The following PADI2 variants were observed in gnomAD, a reference collection of about 807,000 sequenced individuals.
PADI2 encodes the protein protein-arginine deiminase type-2.
PADI2 carries 70 observed loss-of-function variants against 81.1 expected under a neutral mutation model. That is an observed-to-expected ratio of 0.86 (90% CI 0.71 to 1.05). PADI2 has a LOEUF of 1.05. PADI2 is among the 50% of genes least tolerant of loss of function. The probability of loss-of-function intolerance (pLI) is 0.00; values close to 1 mark genes in which losing one functional copy is unlikely to be tolerated. For synonymous variants in PADI2, 338 were observed against 358.0 expected (o/e 0.94, Z 0.63); for missense variants, 853 against 889.9 (o/e 0.96, Z 0.53).
intron 13 of PADI2, among the ~76,000 whole-genome samples, chr1:17,074,151 GGAGGCT>G (rs2078284488): frequency 6.6e-6 from 1 of 152,082 alleles, no homozygotes; most frequent in African/African-American, 2.4e-5. Context: ...CAGCACTTTG[GGAGGCT>G]GAGGCGGGTG....
At position 17,103,049 on chromosome 1, in the gene PADI2, T is replaced by C. The variant is rs373438299; in HGVS notation, c.287A>G (p.Asn96Ser). 3 of 1,612,470 alleles carry C rather than the reference T, an allele frequency of 1.9e-6. No individual in the cohort carries two copies. The highest frequency in any genetic ancestry group is 1.7e-6 in the Non-Finnish European group (2 of 1,178,804). Residue 96 changes from asparagine to serine, a missense_variant, in exon 3 of 16, where the codon AAC becomes AGC. Physicochemically the swap from Asn to Ser is conservative, Grantham distance 46 (BLOSUM62 1). Coordinates refer to ENST00000375486, the MANE Select transcript of PADI2 (RefSeq NM_007365.3). The part of the protein sequence containing the change: ...TEASSDKVTV[N>S]YYDEEGSIPI... ...AATGCTCCCTTCCTCGTCATAGTAG[T>C]TGACGGTGACCTTGGTGGGGAGGGG...
At chr1:17,100,836 A>G (rs1931117514) in intron 3 of PADI2, among the ~76,000 whole-genome samples, 1 of 150,572 alleles carries the variant, frequency 6.6e-6, no homozygotes, top group Non-Finnish European at 1.5e-5. Context: ...TAATTTTTGT[A>G]TTTTTAGTAG....
chr1:17,082,787 C>G (rs936313175), intron 9 of PADI2, 135 bp from the exon 10 acceptor site: 5 of 605,308 alleles, frequency 8.3e-6, no homozygotes, highest in Middle Eastern at 2.7e-4. Flanking sequence ...GTCCCCCATC[C>G]TCCTCCCCTC....
intron 1 of PADI2, among the ~76,000 whole-genome samples, chr1:17,111,399 A>G (rs1931575796): frequency 6.6e-6 from 1 of 152,032 alleles, no homozygotes; most frequent in Non-Finnish European, 1.5e-5. Flanking sequence ...CTGGACAGAA[A>G]AGACAGACTT....
In PADI2 at chr1:17,119,388, C is replaced by A. The variant is rs746000023; in HGVS notation, c.-17G>T. 3.9e-6 allele frequency: 6 copies of A among 1,520,694 alleles called. No homozygotes were observed. The highest frequency in any genetic ancestry group is 3.7e-5 in the South Asian group (3 of 81,058). 94.2% of individuals were successfully genotyped at this position (1,520,694 alleles called of 1,614,324 possible). On this transcript the variant is annotated 5_prime_UTR_variant, in exon 1 of 16. Transcript: ENST00000375486. The surrounding 1 kb of genome is among the most constrained non-coding windows in gnomAD (Gnocchi z 4.8). Reference sequence around the variant, plus strand: ...GCGCAGCATCCTCCCCGCCGCAGTGCCCGCGCTCGCTGGTCCGGGGCGGCC... The same window carrying A: ...GCGCAGCATCCTCCCCGCCGCAGTGACCGCGCTCGCTGGTCCGGGGCGGCC...
At chr1:17,072,749 A>C (rs921626554) in intron 13 of PADI2, among the ~76,000 whole-genome samples, 3 of 139,714 alleles carry the variant, frequency 2.1e-5, no homozygotes, top group Admixed American at 7.0e-5. Context: ...ACTGTATTCT[A>C]TCTATTTTCT....
At chr1:17,106,436 C>G (rs886318100) in intron 1 of PADI2, among the ~76,000 whole-genome samples, 1 of 150,692 alleles carries the variant, frequency 6.6e-6, no homozygotes, top group Non-Finnish European at 1.5e-5. Context: ...GGGCAGGCTT[C>G]TTTTTCTTCT....
At position 17,115,411 on chromosome 1, in the gene PADI2, CA is replaced by C. The variant is rs1157752629; in HGVS notation, c.92+3868del. ...GATCTGGATCCTGGCTCCTGTACAC[CA>C]GGGAGGAAAAGAAGAGCCCTGCCTT... On this transcript the variant is annotated intron_variant, in intron 1 of 15. Transcript: ENST00000375486. This position sits in a 1 kb window ranked among gnomAD's most constrained non-coding sequence, Gnocchi z 4.1. Among the ~76,000 whole-genome samples, 2 of 152,192 alleles carry C rather than the reference CA, an allele frequency of 1.3e-5. No individual in the cohort carries two copies. The highest frequency in any genetic ancestry group is 3.9e-4 in the East Asian group (2 of 5,194).
intron 1 of PADI2, among the ~76,000 whole-genome samples, chr1:17,112,021 G>A (rs1931594896): frequency 6.6e-6 from 1 of 152,132 alleles, no homozygotes; most frequent in African/African-American, 2.4e-5. Context: ...AGGTTTCTAA[G>A]CAGGGGTGGC....
rs2078291371 is a variant in PADI2 at position 17,074,952 on chromosome 1, G to T, written c.1456-3C>A. 2 of 1,603,476 alleles carry T rather than the reference G, an allele frequency of 1.2e-6. No homozygotes were observed. The highest frequency in any genetic ancestry group is 8.5e-7 in the Non-Finnish European group (1 of 1,171,352). ...CTGGCCATGAGTAGCAGGAATTTCTGCAAGAGACAGTCCAGAGGGACAGAG... is the reference window on the plus strand; with the variant it reads ...CTGGCCATGAGTAGCAGGAATTTCTTCAAGAGACAGTCCAGAGGGACAGAG... On this transcript the variant is annotated splice_polypyrimidine_tract_variant and splice_region_variant and intron_variant, in intron 12 of 15. Transcript: ENST00000375486.
At chr1:17,118,460 G>T (rs940138655) in intron 1 of PADI2, among the ~76,000 whole-genome samples, 3 of 152,102 alleles carry the variant, frequency 2.0e-5, no homozygotes, top group African/African-American at 7.2e-5. Context: ...ACAGATCATT[G>T]GACTTGGCTG....
chr1:17,089,995 G>A (rs1451092331), intron 6 of PADI2, among the ~76,000 whole-genome samples: 1 of 152,196 alleles, frequency 6.6e-6, no homozygotes, highest in Non-Finnish European at 1.5e-5. Flanking sequence ...AGCCCTCAGT[G>A]CTAAAATAAG....
At chr1:17,075,625 A>G in intron 12 of PADI2, 54 bp downstream of exon 12, 1 of 1,490,162 alleles carries the variant, frequency 6.7e-7, no homozygotes, top group Non-Finnish European at 9.1e-7. Flanking sequence ...AGGGGCGGGT[A>G]ATATATTGGT....
At chr1:17,075,876 C>G (rs1339192246) in intron 11 of PADI2, 53 bp from the exon 12 acceptor site, 1 of 1,574,026 alleles carries the variant, frequency 6.4e-7, no homozygotes. Flanking sequence ...CACCAGAGGG[C>G]CTGCAAGAGG....
chr1:17,067,394 A>G lies in PADI2; in HGVS notation c.*1650T>C, dbSNP rs7516087. ...AGCTGCTGTCCCCAGAGAGGAGACA[A>G]CAGCTTCTGGAGGCTCTGGGGACTC... On this transcript the variant is annotated 3_prime_UTR_variant, in exon 16 of 16. Coordinates refer to ENST00000375486, the MANE Select transcript of PADI2 (RefSeq NM_007365.3). 51,231 of 151,646 alleles carry G rather than the reference A, an allele frequency of 0.34. 9,028 individuals carry two copies. Among genetic ancestry groups the G allele is most frequent in the East Asian group, 0.6 (3,070 of 5,120 alleles). The allele number at this position is 151,646 out of a possible 1,614,324, so 9.4% of individuals were successfully genotyped here.
chr1:17,089,310 A>G (rs919044273), intron 6 of PADI2, among the ~76,000 whole-genome samples: 5 of 152,224 alleles, frequency 3.3e-5, no homozygotes, highest in African/African-American at 1.2e-4. Flanking sequence ...GTAGTTTCAG[A>G]TAGACTGGCA....
At chr1:17,089,069 G>T (rs1930579164) in intron 6 of PADI2, among the ~76,000 whole-genome samples, 1 of 152,038 alleles carries the variant, frequency 6.6e-6, no homozygotes. Context: ...GTAACCATGG[G>T]TAACCATCAG....
rs771593438 is a variant in PADI2, at chr1:17,084,684, T to A, written c.853A>T (p.Ile285Phe). 13 of 1,558,934 alleles carry A rather than the reference T, an allele frequency of 8.3e-6. No individual in the cohort carries two copies. Among genetic ancestry groups the A allele is most frequent in the Admixed American group, 3.8e-5 (2 of 52,004 alleles). ...YMAQDIPLTP[I>F]FTDTVIFRIA... is the part of the protein sequence containing the mutation. ...CGGAATATCACGGTGTCCGTGAAGA[T>A]GGGAGTCAGGGGAATGTCCTGGGTG... Residue 285 changes from isoleucine to phenylalanine, a missense_variant, in exon 8 of 16, where the codon ATC (isoleucine) becomes TTC (phenylalanine). Ile to Phe is a conservative substitution (Grantham distance 21). Coordinates refer to ENST00000375486, the MANE Select transcript of PADI2 (RefSeq NM_007365.3).
intron 2 of PADI2, among the ~76,000 whole-genome samples, chr1:17,104,243 T>TGG (rs2101604944): frequency 6.6e-6 from 1 of 150,830 alleles, no homozygotes; most frequent in Non-Finnish European, 1.5e-5. Flanking sequence ...TGAGCCGAGA[T>TGG]CGCATCACTG....
Sources: gnomAD v4.1 joint callset for allele counts (sites outside exome capture counted in the v4.1 genomes callset) on GRCh38, gnomAD v4.1.1 for gene constraint, Gnocchi (gnomAD v3.1) non-coding constraint, MANE v1.5 for transcripts, NCBI Gene and HGNC (gene_info 2026-07-23, HGNC 2026-07-21) for gene names.